Variants in EIF4ENIF1 observed in about 807,000 individuals in gnomAD.
The protein encoded by EIF4ENIF1 is eukaryotic translation initiation factor 4E transporter.
A neutral mutation model predicts 110.5 loss-of-function variants in EIF4ENIF1; 23 were observed. The observed-to-expected ratio is 0.21, with a 90% CI of 0.15 to 0.29. EIF4ENIF1 has a LOEUF of 0.29. Ranked by LOEUF, EIF4ENIF1 falls within the 10% of genes least tolerant of loss-of-function variation. The pLI, the probability that EIF4ENIF1 is intolerant of heterozygous loss-of-function variation, is 1.00. For synonymous variants in EIF4ENIF1, 440 were observed against 437.0 expected (o/e 1.01, Z -0.09); for missense variants, 1,031 against 1,221.1 (o/e 0.84, Z 2.32).
At chr22:31,466,406 C>CT (rs2051188092) in intron 4 of EIF4ENIF1, among the ~76,000 whole-genome samples, 1 of 93,038 alleles carries the variant, frequency 1.1e-5, no homozygotes, top group African/African-American at 4.3e-5. Context: ...GAGCAAGACT[C>CT]TGTCTCGGTG....
intron 15 of EIF4ENIF1, among the ~76,000 whole-genome samples, chr22:31,443,590 T>C (rs1601557234): frequency 6.6e-6 from 1 of 152,174 alleles, no homozygotes; most frequent in Non-Finnish European, 1.5e-5. Flanking sequence ...GATTTTATTA[T>C]GCATTTGCCT....
At chr22:31,467,494 G>C (rs1053497715) in intron 4 of EIF4ENIF1, among the ~76,000 whole-genome samples, 4 of 152,108 alleles carry the variant, frequency 2.6e-5, no homozygotes, top group Non-Finnish European at 5.9e-5. Context: ...CCGTATCCAA[G>C]CCTTTATTCC....
At chr22:31,470,373 C>A (rs1472034680) in intron 3 of EIF4ENIF1, among the ~76,000 whole-genome samples, 1 of 151,116 alleles carries the variant, frequency 6.6e-6, no homozygotes, top group Admixed American at 6.6e-5. Flanking sequence ...CTCCACCTCC[C>A]GGGTTCAAGC....
At chr22:31,468,090 A>T (rs1231403437) in intron 4 of EIF4ENIF1, 85 bp downstream of exon 4, 12 of 1,535,558 alleles carry the variant, frequency 7.8e-6, no homozygotes, top group Non-Finnish European at 1.1e-5. Flanking sequence ...CAAAGCATAA[A>T]ATTCTCAGAG....
chr22:31,460,650 A>T (rs975890104), intron 6 of EIF4ENIF1, among the ~76,000 whole-genome samples: 4 of 145,514 alleles, frequency 2.7e-5, no homozygotes, highest in South Asian at 2.2e-4. Context: ...AAAATTAATT[A>T]AAAAAAAAAA....
At chr22:31,481,950 G>A (rs1038315284) in intron 2 of EIF4ENIF1, among the ~76,000 whole-genome samples, 5 of 151,996 alleles carry the variant, frequency 3.3e-5, no homozygotes, top group African/African-American at 9.7e-5. Flanking sequence ...CAGGAGGATC[G>A]CTTGAGGTCA....
chr22:31,458,838 C>T (rs916534593), intron 6 of EIF4ENIF1, among the ~76,000 whole-genome samples, 188 bp from the exon 7 acceptor site: 36 of 151,982 alleles, frequency 2.4e-4, no homozygotes, highest in African/African-American at 8.2e-4. Flanking sequence ...GGAAAAAAGC[C>T]TTAATAAAGC....
At chr22:31,437,634 T>C (rs2050192269), downstream of EIF4ENIF1, 1 of 152,190 alleles carries the variant, frequency 6.6e-6, no homozygotes, top group Admixed American at 6.6e-5. Flanking sequence ...CCTACTAGCT[T>C]CTAGTCTGAA....
intron 7 of EIF4ENIF1, among the ~76,000 whole-genome samples, chr22:31,457,071 A>T (rs986557437): frequency 6.6e-6 from 1 of 152,234 alleles, no homozygotes; most frequent in African/African-American, 2.4e-5. Flanking sequence ...TGAGAGTTTC[A>T]GAAGCCAAAG....
intron 12 of EIF4ENIF1, among the ~76,000 whole-genome samples, 166 bp downstream of exon 12, chr22:31,449,182 G>A (rs2050571366): frequency 6.6e-6 from 1 of 152,096 alleles, no homozygotes; most frequent in African/African-American, 2.4e-5. Flanking sequence ...GGCTATTTTT[G>A]TATTTTTAGT....
chr22:31,464,419 G>A (rs563845635), intron 4 of EIF4ENIF1, among the ~76,000 whole-genome samples: 5 of 151,816 alleles, frequency 3.3e-5, no homozygotes, highest in Admixed American at 1.3e-4. Context: ...GGTGGCTCAC[G>A]CCTATAATCC....
intron 3 of EIF4ENIF1, 126 bp downstream of exon 3, chr22:31,471,718 G>A (rs889417139): frequency 2.6e-5 from 22 of 843,962 alleles, no homozygotes; most frequent in African/African-American, 8.8e-5. Flanking sequence ...ATTACCTCTC[G>A]AAATCCCTCT....
intron 10 of EIF4ENIF1, among the ~76,000 whole-genome samples, chr22:31,452,439 CA>C (rs1413767130): frequency 6.6e-6 from 1 of 152,164 alleles, no homozygotes; most frequent in African/African-American, 2.4e-5. Context: ...CAGCTAAAAC[CA>C]GATACACTTC....
chr22:31,450,516 A>C (rs2050613541), intron 10 of EIF4ENIF1, 156 bp from the exon 11 acceptor site: 2 of 531,814 alleles, frequency 3.8e-6, no homozygotes, highest in Non-Finnish European at 6.9e-6. Flanking sequence ...TTCCGCTCTC[A>C]TCACACAGGT....
chr22:31,455,395 C>CTTTTTTTTTT, intron 8 of EIF4ENIF1, 80 bp from the exon 9 acceptor site: 6 of 809,896 alleles, frequency 7.4e-6, no homozygotes, highest in South Asian at 8.3e-5. Context: ...TTCTTTCTTT[C>CTTTTTTTTTT]TTTTTTTTTT....
chr22:31,450,477 T>C, intron 10 of EIF4ENIF1, 117 bp from the exon 11 acceptor site: 2 of 742,222 alleles, frequency 2.7e-6, no homozygotes, highest in South Asian at 3.2e-5. Context: ...AGAATGATAC[T>C]CAAGTCACAG....
intron 2 of EIF4ENIF1, among the ~76,000 whole-genome samples, chr22:31,477,572 G>A (rs1382963110): frequency 2.6e-5 from 4 of 152,084 alleles, no homozygotes; most frequent in Non-Finnish European, 4.4e-5. Context: ...TACATGCTTA[G>A]CATACATAGG....
chr22:31,466,589 CAACAAAAAAAA>C (rs1307623321), intron 4 of EIF4ENIF1, among the ~76,000 whole-genome samples: 1 of 133,498 alleles, frequency 7.5e-6, no homozygotes, highest in Non-Finnish European at 1.5e-5. Flanking sequence ...CTCAAAAAAA[CAACAAAAAAAA>C]ACAAAGCAAA....
At chr22:31,446,363 A>C (rs1211583735) in intron 14 of EIF4ENIF1, among the ~76,000 whole-genome samples, 1 of 151,798 alleles carries the variant, frequency 6.6e-6, no homozygotes, top group Non-Finnish European at 1.5e-5. Flanking sequence ...ATTATGCTAT[A>C]GACAGAAAGC....
Sources: allele counts gnomAD v4.1 joint callset (sites outside exome capture counted in the v4.1 genomes callset), GRCh38; gene constraint gnomAD v4.1.1; transcripts MANE v1.5; gene names NCBI Gene and HGNC (gene_info 2026-07-23, HGNC 2026-07-21).